The following ESRRG variants were observed in gnomAD, a reference collection of about 807,000 sequenced individuals.
The protein encoded by ESRRG is estrogen-related receptor gamma.
Under a neutral mutation model 44.0 loss-of-function variants are expected in ESRRG, and 13 were observed. That is an observed-to-expected ratio of 0.30 (90% CI 0.19 to 0.47). The LOEUF (loss-of-function observed/expected upper bound fraction) is 0.47, where lower values mean the gene tolerates loss of function less well. Ranked by LOEUF, ESRRG falls within the 20% of genes least tolerant of loss-of-function variation. The probability of loss-of-function intolerance (pLI) is 1.00; values close to 1 mark genes in which losing one functional copy is unlikely to be tolerated. For missense variants in ESRRG, 395 were observed against 580.6 expected, an observed-to-expected ratio of 0.68 and a Z score of 3.29; for synonymous variants, 215 against 214.6, an observed-to-expected ratio of 1.00 and a Z score of -0.02.
intron 2 of ESRRG, among the ~76,000 whole-genome samples, chr1:216,844,145 C>T (rs2095699612): frequency 6.6e-6 from 1 of 151,814 alleles, no homozygotes; most frequent in Non-Finnish European, 1.5e-5. Context: ...CCATATGAAC[C>T]TCATTATGAA....
intron 2 of ESRRG, among the ~76,000 whole-genome samples, chr1:216,878,325 C>T (rs1360160236): frequency 1.3e-5 from 2 of 152,016 alleles, no homozygotes; most frequent in African/African-American, 2.4e-5. Context: ...ATACTAATCC[C>T]TCATCAGTAT....
intron 3 of ESRRG, among the ~76,000 whole-genome samples, chr1:216,637,541 G>A (rs1312616339): frequency 6.6e-6 from 1 of 152,162 alleles, no homozygotes. Flanking sequence ...ACTCTGGTAA[G>A]ATTAATTAAG....
At chr1:216,982,601 G>T (rs2150402524) in intron 1 of ESRRG, among the ~76,000 whole-genome samples, 1 of 152,246 alleles carries the variant, frequency 6.6e-6, no homozygotes, top group East Asian at 1.9e-4. Flanking sequence ...GAGAAAAAAA[G>T]GTATTGAAAA....
intron 3 of ESRRG, among the ~76,000 whole-genome samples, chr1:216,630,669 A>T (rs1427081365): frequency 6.6e-6 from 1 of 152,154 alleles, no homozygotes; most frequent in East Asian, 1.9e-4. Flanking sequence ...CTGAACAAAA[A>T]ACCCTATTTC....
chr1:216,933,883 C>A (rs1267025891), intron 2 of ESRRG, among the ~76,000 whole-genome samples: 1 of 152,078 alleles, frequency 6.6e-6, no homozygotes, highest in Non-Finnish European at 1.5e-5. Context: ...CCCTCCTGGT[C>A]TGCTCCCCCA....
chr1:216,816,313 ATAAG>A (rs2148537548), intron 2 of ESRRG, among the ~76,000 whole-genome samples: 1 of 152,368 alleles, frequency 6.6e-6, no homozygotes, highest in African/African-American at 2.4e-5. Flanking sequence ...ATTAAAAATG[ATAAG>A]TATGTGAGGT....
intron 2 of ESRRG, among the ~76,000 whole-genome samples, chr1:216,934,581 C>T (rs1385842285): frequency 6.6e-6 from 1 of 152,060 alleles, no homozygotes; most frequent in Non-Finnish European, 1.5e-5. Flanking sequence ...AGAATGAGAG[C>T]TAAGAGAAAG....
At chr1:216,662,010 G>A (rs2072579832) in intron 2 of ESRRG, among the ~76,000 whole-genome samples, 1 of 152,122 alleles carries the variant, frequency 6.6e-6, no homozygotes, top group South Asian at 2.1e-4. Context: ...AATGACATGT[G>A]GATGGGTAAT....
intron 1 of ESRRG, among the ~76,000 whole-genome samples, chr1:217,134,428 C>T (rs1376134171): frequency 6.6e-6 from 1 of 152,216 alleles, no homozygotes; most frequent in Non-Finnish European, 1.5e-5. Context: ...GGGCACAGGG[C>T]CCTGCGCGCC....
At chr1:216,508,181 A>G (rs949668881) in intron 6 of ESRRG, among the ~76,000 whole-genome samples, 2 of 152,228 alleles carry the variant, frequency 1.3e-5, no homozygotes, top group Non-Finnish European at 1.5e-5. Flanking sequence ...CATAGATCAC[A>G]TGAACAAAAA....
intron 2 of ESRRG, among the ~76,000 whole-genome samples, chr1:216,739,113 C>A (rs967592702): frequency 6.6e-6 from 1 of 152,124 alleles, no homozygotes; most frequent in African/African-American, 2.4e-5. Flanking sequence ...TCTCAACTAA[C>A]CAAATGCTAT....
intron 2 of ESRRG, among the ~76,000 whole-genome samples, chr1:216,829,204 C>T (rs1366013899): frequency 6.6e-6 from 1 of 152,078 alleles, no homozygotes; most frequent in African/African-American, 2.4e-5. Flanking sequence ...TAACTGTTAC[C>T]TGAAGAGCAC....
At chr1:216,995,771 T>C (rs1343325992) in intron 1 of ESRRG, among the ~76,000 whole-genome samples, 1 of 152,194 alleles carries the variant, frequency 6.6e-6, no homozygotes, top group Non-Finnish European at 1.5e-5. Context: ...AATAAATAAA[T>C]GAGGTCAGAA....
At chr1:216,956,126 T>C (rs546728176) in intron 1 of ESRRG, among the ~76,000 whole-genome samples, 2 of 152,304 alleles carry the variant, frequency 1.3e-5, no homozygotes, top group South Asian at 4.1e-4. Context: ...TAGACCAATG[T>C]CCTGAAGAGT....
chr1:216,922,363 G>T (rs1451982718), intron 2 of ESRRG, among the ~76,000 whole-genome samples: 1 of 152,202 alleles, frequency 6.6e-6, no homozygotes, highest in Admixed American at 6.5e-5. Flanking sequence ...GAGGGTTTCA[G>T]ACACAACCTT....
chr1:216,727,539 C>G (rs1410222172), upstream of ESRRG, among the ~76,000 whole-genome samples: 1 of 152,072 alleles, frequency 6.6e-6, no homozygotes, highest in Non-Finnish European at 1.5e-5. Context: ...ACACACCTTT[C>G]CCACTGAGAA....
At chr1:216,546,938 A>G (rs909688086) in intron 5 of ESRRG, among the ~76,000 whole-genome samples, 1 of 151,868 alleles carries the variant, frequency 6.6e-6, no homozygotes, top group East Asian at 2.0e-4. Flanking sequence ...TATTTCTCCT[A>G]ATGCTACCCC....
chr1:216,798,710 A>G (rs1431295992), intron 2 of ESRRG, among the ~76,000 whole-genome samples: 1 of 152,158 alleles, frequency 6.6e-6, no homozygotes, highest in Non-Finnish European at 1.5e-5. Flanking sequence ...TTGTGGTGAT[A>G]GAGAAAATTG....
intron 3 of ESRRG, among the ~76,000 whole-genome samples, chr1:216,595,919 A>C (rs1454866069): frequency 2.0e-5 from 3 of 152,206 alleles, no homozygotes; most frequent in African/African-American, 7.2e-5. Flanking sequence ...GCAGTGTAGA[A>C]GAAAAGACAA....
Sources: allele counts gnomAD v4.1 joint callset (sites outside exome capture counted in the v4.1 genomes callset), GRCh38; gene constraint gnomAD v4.1.1; transcripts MANE v1.5; gene names NCBI Gene and HGNC (gene_info 2026-07-23, HGNC 2026-07-21).